GPR143: variants seen among roughly 807,000 people sequenced by gnomAD.
GPR143 encodes G-protein coupled receptor 143.
A neutral mutation model predicts 27.6 loss-of-function variants in GPR143; 8 were observed. The observed-to-expected ratio is 0.29, with a 90% confidence interval of 0.17 to 0.52. The LOEUF (loss-of-function observed/expected upper bound fraction) is 0.52. Among genes scored for constraint, GPR143 ranks in the 20% least tolerant of loss-of-function variants. GPR143 has a pLI of 0.96. For synonymous variants in GPR143, 156 were observed against 153.2 expected (o/e 1.02, Z -0.13); for missense variants, 303 against 343.1 (o/e 0.88, Z 0.92).
intron 6 of GPR143, among the ~76,000 whole-genome samples, chrX:9,742,302 T>A (rs767021506): frequency 1.8e-5 from 2 of 111,698 alleles, no homozygotes; most frequent in South Asian, 7.6e-4. Context: ...AAGGTCTCGC[T>A]CTGTCACACA....
At chrX:9,747,218 G>A (rs2083432851) in intron 4 of GPR143, among the ~76,000 whole-genome samples, 2 of 110,400 alleles carry the variant, frequency 1.8e-5, no homozygotes, top group Admixed American at 9.8e-5. Flanking sequence ...AAGTGACTCC[G>A]ATGCAAAGAC....
chrX:9,738,415 C>T, intron 8 of GPR143: 2 of 750,060 alleles, frequency 2.7e-6, no homozygotes, highest in Non-Finnish European at 3.1e-6. Context: ...ACTATTTGTA[C>T]CAGACGGAAA....
intron 3 of GPR143, among the ~76,000 whole-genome samples, chrX:9,750,377 T>C (rs1482089637): frequency 3.6e-5 from 3 of 82,867 alleles, no homozygotes; most frequent in African/African-American, 2.6e-4. Flanking sequence ...GCCCAGCTAA[T>C]TTTTTTTTTT....
intron 3 of GPR143, among the ~76,000 whole-genome samples, chrX:9,753,158 G>A (rs2083458647): frequency 1.8e-5 from 2 of 111,118 alleles, no homozygotes; most frequent in Admixed American, 9.6e-5. Flanking sequence ...GGTGGATCAG[G>A]ACCAGCCAGG....
chrX:9,728,498 A>G (rs964405614), intron 8 of GPR143, among the ~76,000 whole-genome samples: 1 of 107,837 alleles, frequency 9.3e-6, no homozygotes, highest in Non-Finnish European at 1.9e-5. Flanking sequence ...CCTGAGCTAC[A>G]GCAAGAGATG....
upstream of GPR143, among the ~76,000 whole-genome samples, chrX:9,769,365 G>A (rs1034934923): frequency 9.0e-6 from 1 of 111,178 alleles, no homozygotes; most frequent in African/African-American, 3.3e-5. Flanking sequence ...ATCAACTGCT[G>A]GAAGACGGTT....
intron 8 of GPR143, among the ~76,000 whole-genome samples, chrX:9,731,804 G>T (rs927643109): frequency 1.0e-5 from 1 of 99,565 alleles, no homozygotes; most frequent in African/African-American, 3.5e-5. Flanking sequence ...AATTGGGGGG[G>T]GGGGGAAGGA....
chrX:9,773,736 C>T lies in GPR143; in HGVS notation c.-3+12506G>A, dbSNP rs760869068. Among the ~76,000 whole-genome samples the T allele has an allele frequency of 4.7e-5, 5 of 107,093 alleles. No homozygotes were observed. In the East Asian group the frequency reaches 1.2e-3, roughly 26 times the overall value. The allele number at this position is 107,093 out of a possible 115,157, so 93.0% of individuals were successfully genotyped here. ...AAAAATACAGAAGCATGGTGGTGCA[C>T]GCCTGTGGTCCCAACTACCTGGGAG... On this transcript the variant is annotated intron_variant, in intron 1 of 7. Transcript: ENST00000447366.
intron 1 of GPR143, among the ~76,000 whole-genome samples, chrX:9,772,535 C>T (rs771477996): frequency 9.8e-4 from 109 of 111,703 alleles, no homozygotes; most frequent in Non-Finnish European, 1.8e-3. Context: ...TCAAAAAGAA[C>T]AACTGACCTG....
chrX:9,751,684 T>C (rs2083452061), intron 3 of GPR143, among the ~76,000 whole-genome samples: 1 of 112,293 alleles, frequency 8.9e-6, no homozygotes, highest in South Asian at 3.7e-4. Context: ...CTGGAACTAG[T>C]AATAGTGAGG....
chrX:9,769,770 C>T (rs1329103012), upstream of GPR143, among the ~76,000 whole-genome samples: 1 of 110,156 alleles, frequency 9.1e-6, no homozygotes, highest in African/African-American at 3.3e-5. Flanking sequence ...AGAGTACAGA[C>T]GGCGTTTTGC....
At chrX:9,738,534 C>A in intron 8 of GPR143, 1 of 744,451 alleles carries the variant, frequency 1.3e-6, no homozygotes, top group Non-Finnish European at 1.6e-6. Context: ...GGAATCAATT[C>A]ATCAGTTCAT....
intron 2 of GPR143, among the ~76,000 whole-genome samples, chrX:9,759,905 G>A (rs979108232): frequency 1.8e-5 from 2 of 111,334 alleles, no homozygotes; most frequent in Non-Finnish European, 3.8e-5. Flanking sequence ...CTGAGGACAG[G>A]GAAGCAAGGA....
At chrX:9,751,239 G>A (rs959191403) in intron 3 of GPR143, among the ~76,000 whole-genome samples, 1 of 112,273 alleles carries the variant, frequency 8.9e-6, no homozygotes, top group Admixed American at 9.4e-5. Flanking sequence ...CAGGCTGGCC[G>A]TCCCCGCCCA....
In GPR143 at chrX:9,759,357, C is replaced by A; in HGVS notation, c.430G>T (p.Val144Leu). The A allele has an allele frequency of 8.4e-7, 1 of 1,190,661 alleles. No individual in the cohort carries two copies. Among genetic ancestry groups the A allele is most frequent in the African/African-American group, 1.7e-5 (1 of 57,358 alleles). Residue 144 changes from valine (V) to leucine (L), a missense_variant, in exon 3 of 9, where the codon GTG (valine) becomes TTG (leucine). Val to Leu is a conservative substitution (Grantham distance 32, BLOSUM62 1). Transcript: ENST00000467482. Reference protein sequence around the residue: ...LFCYAVDAYLVIRRSAGLSTI... With the variant: ...LFCYAVDAYLLIRRSAGLSTI... ...CTCAGTCCTGCCGATCTCCGGATCA[C>A]CAGATAAGCATCCACTGCATAGCAA...
intron 3 of GPR143, among the ~76,000 whole-genome samples, chrX:9,750,580 T>C (rs1313350629): frequency 9.1e-6 from 1 of 110,132 alleles, no homozygotes; most frequent in Admixed American, 9.7e-5. Context: ...ATTTTTTTTT[T>C]CAAGATGGAG....
chrX:9,744,964 G>C (rs1440379250), intron 5 of GPR143, among the ~76,000 whole-genome samples: 3 of 111,693 alleles, frequency 2.7e-5, no homozygotes, highest in Non-Finnish European at 5.6e-5. Context: ...TTTAAATGTA[G>C]ATATGCGCCA....
At chrX:9,770,020 A>C (rs1191021884), upstream of GPR143, among the ~76,000 whole-genome samples, 1 of 109,520 alleles carries the variant, frequency 9.1e-6, no homozygotes, top group Non-Finnish European at 1.9e-5. Context: ...ATTGATATAG[A>C]CAAAACATGG....
At chrX:9,726,623 C>T in intron 8 of GPR143, among the ~76,000 whole-genome samples, 1 of 112,164 alleles carries the variant, frequency 8.9e-6, no homozygotes, top group Non-Finnish European at 1.9e-5. Flanking sequence ...AGACATTTTT[C>T]TCAGGCCTGG....
Sources: gnomAD v4.1 joint callset for allele counts (sites outside exome capture counted in the v4.1 genomes callset) on GRCh38, gnomAD v4.1.1 for gene constraint, MANE v1.5 for transcripts, NCBI Gene and HGNC (gene_info 2026-07-23, HGNC 2026-07-21) for gene names.